Variants in ZHX2 observed in about 807,000 individuals in gnomAD.
The protein encoded by ZHX2 is zinc fingers and homeoboxes protein 2.
In ZHX2, 6 loss-of-function variants were observed where a neutral mutation model predicts 21.9. The observed-to-expected ratio is 0.27, with a 90% CI of 0.15 to 0.54. The LOEUF is 0.54. ZHX2 is among the 20% of genes least tolerant of loss of function. The pLI is 0.95. For synonymous variants in ZHX2, 434 were observed against 437.1 expected, an observed-to-expected ratio of 0.99 and a Z score of 0.09; for missense variants, 908 against 1,090.7, an observed-to-expected ratio of 0.83 and a Z score of 2.36.
chr8:122,915,490 G>A (rs985251943), intron 2 of ZHX2, among the ~76,000 whole-genome samples: 1 of 152,178 alleles, frequency 6.6e-6, no homozygotes, highest in Admixed American at 6.5e-5. Context: ...ATGGGAAATA[G>A]TAAATAAATA....
At chr8:122,820,893 T>C (rs1390032942) in intron 1 of ZHX2, among the ~76,000 whole-genome samples, 1 of 152,180 alleles carries the variant, frequency 6.6e-6, no homozygotes, top group Non-Finnish European at 1.5e-5. Context: ...CACAGGCCCG[T>C]GCCTTGAGCC....
intron 1 of ZHX2, chr8:122,808,990 G>A (rs1323055440): frequency 6.6e-6 from 1 of 152,188 alleles, no homozygotes; most frequent in African/African-American, 2.4e-5. Context: ...AAGCTGGAAG[G>A]GATTGGTCTT....
chr8:122,953,751 C>G lies in ZHX2; in HGVS notation c.2241C>G (p.Thr747=), dbSNP rs760783411. The part of the protein sequence containing the change: ...LCEEDLEKLV[T]RVKVGSEPAK... ...AAGAGGACTTGGAGAAGTTGGTGAC[C>G]AGGGTAAAAGTAGGCAGCGAGCCAG... The change falls in exon 3 of 4, where the codon ACC becomes ACG. Residue 747 remains threonine, a synonymous_variant. Transcript: ENST00000314393. This position sits in a 1 kb window ranked among gnomAD's most constrained non-coding sequence, Gnocchi z 4.6. 5.0e-6 allele frequency: 8 copies of G among 1,614,092 alleles called. No homozygotes were observed. In the Admixed American group the frequency reaches 5.0e-5, roughly 10 times the overall value.
intron 1 of ZHX2, among the ~76,000 whole-genome samples, chr8:122,830,511 G>C (rs28813371): frequency 5.3e-5 from 8 of 152,172 alleles, no homozygotes; most frequent in African/African-American, 1.4e-4. Flanking sequence ...CGGGACATAG[G>C]GGGTGGTGTG....
intron 3 of ZHX2, among the ~76,000 whole-genome samples, chr8:122,970,088 T>A (rs1813681257): frequency 6.6e-6 from 1 of 151,834 alleles, no homozygotes; most frequent in African/African-American, 2.4e-5. Context: ...CATAAGGAAA[T>A]GCCTGTCCGA....
intron 2 of ZHX2, among the ~76,000 whole-genome samples, chr8:122,927,274 C>G (rs1300832028): frequency 6.6e-6 from 1 of 152,192 alleles, no homozygotes; most frequent in Non-Finnish European, 1.5e-5. Flanking sequence ...GCAGGCAGAT[C>G]ACTTGAGGTC....
intron 1 of ZHX2, among the ~76,000 whole-genome samples, chr8:122,803,005 G>C (rs944256527): frequency 7.0e-6 from 1 of 142,408 alleles, no homozygotes; most frequent in East Asian, 2.4e-4. Context: ...GCGGGCGGCA[G>C]CACGAGATGT....
intron 1 of ZHX2, among the ~76,000 whole-genome samples, chr8:122,792,578 A>G (rs755195014): frequency 2.0e-5 from 3 of 152,106 alleles, no homozygotes; most frequent in Non-Finnish European, 2.9e-5. Flanking sequence ...CATCATTTTT[A>G]TGTTCCCATC....
At chr8:122,829,170 G>A (rs1818321535) in intron 1 of ZHX2, among the ~76,000 whole-genome samples, 1 of 152,240 alleles carries the variant, frequency 6.6e-6, no homozygotes, top group East Asian at 1.9e-4. Flanking sequence ...AAGATGGACA[G>A]ATCAAGCAGC....
chr8:122,850,160 C>T (rs975003666), intron 1 of ZHX2, among the ~76,000 whole-genome samples: 2 of 152,180 alleles, frequency 1.3e-5, no homozygotes, highest in African/African-American at 4.8e-5. Context: ...CTTGGCTGTT[C>T]TGTCTCCAAA....
chr8:122,880,703 A>T (rs1819692878), intron 2 of ZHX2, among the ~76,000 whole-genome samples: 1 of 151,062 alleles, frequency 6.6e-6, no homozygotes, highest in African/African-American at 2.4e-5. Flanking sequence ...TGAACCCAGG[A>T]GGCTGAGGTT....
chr8:122,913,578 C>T (rs1012459279), intron 2 of ZHX2, among the ~76,000 whole-genome samples: 2 of 152,130 alleles, frequency 1.3e-5, no homozygotes, highest in East Asian at 1.9e-4. Context: ...TGGAATGGGG[C>T]AGTAGGGAAG....
Position 122,953,235 on chromosome 8 carries a change from C to T in ZHX2, c.1725C>T (p.Ser575=), listed in dbSNP as rs992939800. Residue 575 remains serine, a synonymous_variant, in exon 3 of 4, where the codon TCC becomes TCT. Transcript: ENST00000314393. This position sits in a 1 kb window ranked among gnomAD's most constrained non-coding sequence, Gnocchi z 4.6. ...ETKLSRREID[S]WFSERRKLRD... is the part of the protein sequence containing the mutation. The stretch of plus-strand genomic sequence containing the variant: ...AGCTGAGCAGGAGAGAGATCGACTC[C>T]TGGTTCTCGGAGAGGCGGAAGCTTC... 4.3e-6 allele frequency: 7 copies of T among 1,613,918 alleles called. No individual in the cohort carries two copies. The highest frequency in any genetic ancestry group is 5.9e-6 in the Non-Finnish European group (7 of 1,179,994).
chr8:122,871,313 C>T (rs4871317), intron 2 of ZHX2, among the ~76,000 whole-genome samples: 117,086 of 151,644 alleles, frequency 0.77, 45,422 homozygotes, highest in African/African-American at 0.84. Flanking sequence ...ATTAAGAAAA[C>T]GTGGCACATA....
chr8:122,905,072 A>G (rs557272996), intron 2 of ZHX2, among the ~76,000 whole-genome samples: 1 of 152,238 alleles, frequency 6.6e-6, no homozygotes, highest in African/African-American at 2.4e-5. Context: ...TCAAGATAGA[A>G]TATTAGAAAT....
Position 122,782,666 on chromosome 8 carries a change from G to C in ZHX2, c.-283+720G>C, listed in dbSNP as rs1016965050. Among the ~76,000 whole-genome samples the C allele has an allele frequency of 6.6e-6, 1 of 152,084 alleles. No homozygotes were observed. The highest frequency in any genetic ancestry group is 1.5e-5 in the Non-Finnish European group (1 of 67,982). ...GCGGGCGGCAGCCGAGCTACCTGGC[G>C]GGGGCAGGGCCGGAGCGCGGCGCTG... On this transcript the variant is annotated intron_variant, in intron 1 of 3. Coordinates refer to ENST00000314393, the MANE Select transcript of ZHX2 (RefSeq NM_014943.5). The surrounding 1 kb of genome is among the most constrained non-coding windows in gnomAD (Gnocchi z 5.3).
intron 2 of ZHX2, among the ~76,000 whole-genome samples, chr8:122,937,018 C>T (rs1040687907): frequency 2.6e-5 from 4 of 152,240 alleles, no homozygotes; most frequent in Non-Finnish European, 2.9e-5. Context: ...GCCAGAGGTT[C>T]CACCTGGGCC....
intron 1 of ZHX2, among the ~76,000 whole-genome samples, chr8:122,836,490 C>T (rs1167963575): frequency 2.0e-5 from 3 of 152,092 alleles, no homozygotes; most frequent in Admixed American, 1.3e-4. Context: ...ACCCGGAGAG[C>T]GCGCGTTCGA....
chr8:122,947,893 G>A (rs536006458), intron 2 of ZHX2, among the ~76,000 whole-genome samples: 7 of 152,064 alleles, frequency 4.6e-5, no homozygotes, highest in South Asian at 4.2e-4. Context: ...GGCGTGAAAA[G>A]TATTTGAGAG....
Sources: gnomAD v4.1 joint callset for allele counts (sites outside exome capture counted in the v4.1 genomes callset) on GRCh38, gnomAD v4.1.1 for gene constraint, Gnocchi (gnomAD v3.1) non-coding constraint, MANE v1.5 for transcripts, NCBI Gene and HGNC (gene_info 2026-07-23, HGNC 2026-07-21) for gene names.